The following KCNIP4 variants were observed in gnomAD, a reference collection of about 807,000 sequenced individuals.
The protein encoded by KCNIP4 is potassium voltage-gated channel interacting protein 4, also known as Kv channel-interacting protein 4.
In KCNIP4, 12 loss-of-function variants were observed where a neutral mutation model predicts 34.0. The observed-to-expected ratio is 0.35, with a 90% CI of 0.23 to 0.57. The LOEUF (loss-of-function observed/expected upper bound fraction) is 0.57. Among genes scored for constraint, KCNIP4 ranks in the 20% least tolerant of loss-of-function variants. KCNIP4 has a pLI of 0.83. For synonymous variants in KCNIP4, 124 were observed against 102.2 expected, an observed-to-expected ratio of 1.21 and a Z score of -1.29; for missense variants, 238 against 311.7, an observed-to-expected ratio of 0.76 and a Z score of 1.78.
chr4:21,751,139 A>C (rs550400768), intron 1 of KCNIP4, among the ~76,000 whole-genome samples: 61 of 152,294 alleles, frequency 4.0e-4, no homozygotes, highest in Admixed American at 3.6e-3. Context: ...AGCCAAATCC[A>C]AAGACCAAAC....
intron 1 of KCNIP4, among the ~76,000 whole-genome samples, chr4:21,548,088 A>G (rs1198126773): frequency 6.6e-6 from 1 of 152,120 alleles, no homozygotes; most frequent in East Asian, 1.9e-4. Context: ...AATATATGGC[A>G]TATTGTTAAT....
At chr4:20,814,610 A>G (rs540530336) in intron 3 of KCNIP4, among the ~76,000 whole-genome samples, 34 of 152,328 alleles carry the variant, frequency 2.2e-4, no homozygotes, top group African/African-American at 7.5e-4. Context: ...GAGCCTCTGC[A>G]GCCCTTTTTC....
intron 1 of KCNIP4, among the ~76,000 whole-genome samples, chr4:21,521,373 A>G (rs1735510272): frequency 6.6e-6 from 1 of 152,178 alleles, no homozygotes; most frequent in Non-Finnish European, 1.5e-5. Flanking sequence ...CAATGAATTC[A>G]TGACATAAAC....
At chr4:20,853,077 C>A (rs1249386878) in intron 2 of KCNIP4, among the ~76,000 whole-genome samples, 2 of 152,106 alleles carry the variant, frequency 1.3e-5, no homozygotes, top group Non-Finnish European at 2.9e-5. Context: ...TCTACAAATT[C>A]AACATAATCC....
intron 1 of KCNIP4, among the ~76,000 whole-genome samples, chr4:21,432,316 C>T (rs2109671051): frequency 6.6e-6 from 1 of 151,282 alleles, no homozygotes; most frequent in South Asian, 2.1e-4. Flanking sequence ...TCCCAAGAGC[C>T]CGATAAACAT....
chr4:21,624,753 AAAC>A lies in KCNIP4; in HGVS notation c.61+323815_61+323817del, dbSNP rs1449083130. Among the ~76,000 whole-genome samples, 4 of 152,304 alleles carry A rather than the reference AAAC, an allele frequency of 2.6e-5. No individual in the cohort carries two copies. In the East Asian group the frequency reaches 7.7e-4, roughly 29 times the overall value. ...GCAATATGTTTCAACAAGTGAAGAG[AAAC>A]AATAAAGTCAAAGACTCTTTGACGC... On this transcript the variant is annotated intron_variant, in intron 1 of 8. Transcript: ENST00000382152.
intron 1 of KCNIP4, among the ~76,000 whole-genome samples, chr4:21,086,088 C>T (rs890340367): frequency 6.6e-6 from 1 of 151,988 alleles, no homozygotes; most frequent in Admixed American, 6.6e-5. Context: ...TATAGTGGAG[C>T]AAAAAAGCTC....
At chr4:21,285,061 A>G (rs961313083) in intron 1 of KCNIP4, among the ~76,000 whole-genome samples, 2 of 152,152 alleles carry the variant, frequency 1.3e-5, no homozygotes, top group African/African-American at 4.8e-5. Flanking sequence ...ATAAATGTAC[A>G]ATATCCCCAT....
chr4:20,731,235 A>C, intron 8 of KCNIP4: 1 of 240,830 alleles, frequency 4.2e-6, no homozygotes, highest in Non-Finnish European at 6.7e-6. Context: ...GTGCCCAGCT[A>C]ACTTAATTTT....
At chr4:21,229,524 G>C (rs577481034) in intron 1 of KCNIP4, among the ~76,000 whole-genome samples, 221 of 152,246 alleles carry the variant, frequency 1.5e-3, no homozygotes, top group African/African-American at 5.1e-3. Context: ...CCTATAATGT[G>C]CTGTTCACAT....
At chr4:21,657,647 T>C (rs1241502550) in intron 1 of KCNIP4, among the ~76,000 whole-genome samples, 1 of 152,210 alleles carries the variant, frequency 6.6e-6, no homozygotes, top group African/African-American at 2.4e-5. Context: ...CTGTTGGACT[T>C]ATCTGTAAAA....
chr4:21,543,825 T>C (rs1472287336), intron 1 of KCNIP4, among the ~76,000 whole-genome samples: 2 of 152,160 alleles, frequency 1.3e-5, no homozygotes, highest in East Asian at 1.9e-4. Context: ...ATTTTCATTA[T>C]AGATTACCTT....
chr4:21,312,689 TTTG>T (rs1259815213), intron 1 of KCNIP4, among the ~76,000 whole-genome samples: 1 of 152,214 alleles, frequency 6.6e-6, no homozygotes, highest in Admixed American at 6.5e-5. Context: ...GTTTTGTTTG[TTTG>T]TTTTTATTCA....
At chr4:20,749,776 A>G (rs1049471516) in intron 4 of KCNIP4, 44 bp from the exon 5 acceptor site, 1 of 1,336,934 alleles carries the variant, frequency 7.5e-7, no homozygotes, top group Non-Finnish European at 1.1e-6. Flanking sequence ...GTGTTTCCAT[A>G]TCCTACATAA....
intron 1 of KCNIP4, among the ~76,000 whole-genome samples, chr4:21,561,589 C>T (rs929113650): frequency 6.6e-6 from 1 of 151,792 alleles, no homozygotes; most frequent in African/African-American, 2.4e-5. Flanking sequence ...AGCAGCAGTT[C>T]TATTGTTTTT....
intron 1 of KCNIP4, among the ~76,000 whole-genome samples, chr4:21,773,318 G>A (rs143530567): frequency 2.6e-5 from 4 of 152,206 alleles, no homozygotes; most frequent in African/African-American, 9.6e-5. Flanking sequence ...CGTTTGCTGT[G>A]GAGTGTTTTA....
At chr4:21,284,001 C>T (rs1054800541) in intron 1 of KCNIP4, among the ~76,000 whole-genome samples, 2 of 152,006 alleles carry the variant, frequency 1.3e-5, no homozygotes, top group South Asian at 4.1e-4. Context: ...ATCACGAGGT[C>T]AGGAGATTGA....
intron 1 of KCNIP4, among the ~76,000 whole-genome samples, chr4:21,049,216 C>T (rs1742717561): frequency 1.3e-5 from 2 of 151,998 alleles, no homozygotes; most frequent in South Asian, 4.2e-4. Flanking sequence ...TCCCAAAGTG[C>T]TGGGATTACA....
chr4:20,854,009 C>T (rs571810302), intron 2 of KCNIP4, among the ~76,000 whole-genome samples: 93 of 152,076 alleles, frequency 6.1e-4, no homozygotes, highest in Admixed American at 1.9e-3. Context: ...GGTGTGGATG[C>T]GGTGAACAGG....
Sources: allele counts gnomAD v4.1 joint callset (sites outside exome capture counted in the v4.1 genomes callset), GRCh38; gene constraint gnomAD v4.1.1; transcripts MANE v1.5; gene names NCBI Gene and HGNC (gene_info 2026-07-23, HGNC 2026-07-21).